The following SEMA3D variants were observed in gnomAD, a reference collection of about 807,000 sequenced individuals.
The protein encoded by SEMA3D is semaphorin 3D, also known as semaphorin-3D.
Under a neutral mutation model 100.1 loss-of-function variants are expected in SEMA3D, and 84 were observed. That is an observed-to-expected ratio of 0.84 (90% confidence interval 0.70 to 1.01). SEMA3D has a LOEUF of 1.01. Among genes scored for constraint, SEMA3D ranks in the 50% least tolerant of loss-of-function variants. The probability of loss-of-function intolerance (pLI) is 0.00; values close to 1 mark genes in which losing one functional copy is unlikely to be tolerated. For synonymous variants in SEMA3D, 312 were observed against 320.7 expected (o/e 0.97, Z 0.29); for missense variants, 875 against 934.1 (o/e 0.94, Z 0.82).
rs560926650 is a variant in SEMA3D, at chr7:85,132,717, T to C, written c.-40-10786A>G. On this transcript the variant is annotated intron_variant, in intron 2 of 18. Coordinates refer to ENST00000284136, the MANE Select transcript of SEMA3D (RefSeq NM_001384900.1). Reference sequence around the variant, plus strand: ...AACATAATAAAATGTAGAAATATCATCTTATAATTAATACAAGTTTTATAC... The same window carrying C: ...AACATAATAAAATGTAGAAATATCACCTTATAATTAATACAAGTTTTATAC... Among the ~76,000 whole-genome samples, 6 of 152,074 alleles carry C rather than the reference T, an allele frequency of 3.9e-5. No individual in the cohort carries two copies. In the East Asian group the frequency reaches 9.7e-4, roughly 24 times the overall value.
the SEMA3D span, among the ~76,000 whole-genome samples, chr7:85,249,305 CA>C: frequency 6.6e-6 from 1 of 152,000 alleles, no homozygotes; most frequent in African/African-American, 2.4e-5. Context: ...TAATCAAAAA[CA>C]AGGAAAGCCT....
intron 5 of SEMA3D, among the ~76,000 whole-genome samples, chr7:85,078,806 G>A (rs1399045573): frequency 6.6e-6 from 1 of 152,094 alleles, no homozygotes; most frequent in Non-Finnish European, 1.5e-5. Flanking sequence ...CCAAACAGTT[G>A]TTAATCCTAA....
chr7:85,076,228 T>C (rs558038290), intron 5 of SEMA3D, among the ~76,000 whole-genome samples: 1 of 152,098 alleles, frequency 6.6e-6, no homozygotes, highest in South Asian at 2.1e-4. Flanking sequence ...CCGTAGGCCC[T>C]ACCCTACCCC....
At chr7:85,144,558 C>T (rs1224998524) in intron 2 of SEMA3D, 1 of 984,942 alleles carries the variant, frequency 1.0e-6, no homozygotes, top group Admixed American at 6.2e-5. Context: ...ACACAATTCT[C>T]ACAACCATCA....
chr7:85,035,256 A>G (rs1164133071), intron 12 of SEMA3D, among the ~76,000 whole-genome samples: 2 of 151,352 alleles, frequency 1.3e-5, no homozygotes, highest in African/African-American at 4.8e-5. Context: ...CATCATACAT[A>G]TATTTATATA....
intron 15 of SEMA3D, among the ~76,000 whole-genome samples, chr7:85,015,662 T>A (rs964400557): frequency 6.6e-6 from 1 of 151,824 alleles, no homozygotes; most frequent in African/African-American, 2.4e-5. Flanking sequence ...ATTAACCATT[T>A]CATTTGTTAT....
the SEMA3D span, among the ~76,000 whole-genome samples, chr7:85,209,613 T>C: frequency 6.6e-6 from 1 of 152,082 alleles, no homozygotes; most frequent in Non-Finnish European, 1.5e-5. Flanking sequence ...ATCCTCTGAT[T>C]CCTCTGTTTG....
intron 6 of SEMA3D, among the ~76,000 whole-genome samples, chr7:85,070,368 T>A (rs1157280470): frequency 1.3e-5 from 2 of 152,222 alleles, no homozygotes; most frequent in Non-Finnish European, 2.9e-5. Flanking sequence ...AAGTCAGGAA[T>A]CTGGGATTCA....
chr7:85,191,928 C>T (rs1275941714), upstream of SEMA3D, among the ~76,000 whole-genome samples: 1 of 152,140 alleles, frequency 6.6e-6, no homozygotes, highest in Non-Finnish European at 1.5e-5. Context: ...TCAGTTTCCA[C>T]AAATGGGAGA....
At position 85,138,843 on chromosome 7, in the gene SEMA3D, G is replaced by C. The variant is rs1034675713; in HGVS notation, c.-41+14765C>G. ...TACCTGCTGACAGGCCCCGATGTGT[G>C]ATATTCCCCCCTGTCCATATGTTCT... is the stretch of plus-strand genomic sequence containing the variant. On this transcript the variant is annotated intron_variant, in intron 2 of 18. Transcript: ENST00000284136. Among the ~76,000 whole-genome samples, 15 of 150,958 alleles carry C rather than the reference G, an allele frequency of 9.9e-5. 1 individual carries two copies. Among genetic ancestry groups the C allele is most frequent in the African/African-American group, 3.7e-4 (15 of 41,018 alleles).
At chr7:85,091,542 C>T (rs1443311125) in intron 4 of SEMA3D, among the ~76,000 whole-genome samples, 2 of 151,354 alleles carry the variant, frequency 1.3e-5, no homozygotes, top group African/African-American at 4.9e-5. Context: ...GGAAGACTTT[C>T]AGCTTGTATA....
At chr7:85,026,187 T>C (rs773005025) in intron 12 of SEMA3D, among the ~76,000 whole-genome samples, 16 of 152,164 alleles carry the variant, frequency 1.1e-4, no homozygotes, top group Non-Finnish European at 2.2e-4. Flanking sequence ...ATCCAGAGTC[T>C]AGTCCTGCCT....
At chr7:85,108,372 A>G (rs796716063) in intron 3 of SEMA3D, among the ~76,000 whole-genome samples, 3 of 152,162 alleles carry the variant, frequency 2.0e-5, no homozygotes, top group African/African-American at 4.8e-5. Flanking sequence ...TTAATGTGCT[A>G]TTTAGAGACC....
At chr7:85,216,357 T>TTTTG in the SEMA3D span, among the ~76,000 whole-genome samples, 1 of 146,152 alleles carries the variant, frequency 6.8e-6, no homozygotes, top group Non-Finnish European at 1.5e-5. Flanking sequence ...AATAAGAGTG[T>TTTTG]TGTGTGTGTG....
At chr7:85,192,396 A>T in the SEMA3D span, among the ~76,000 whole-genome samples, 1 of 151,956 alleles carries the variant, frequency 6.6e-6, no homozygotes, top group Non-Finnish European at 1.5e-5. Context: ...AGACAATGAA[A>T]CTTAAAGTTA....
At chr7:85,077,359 C>T (rs1001348832) in intron 5 of SEMA3D, among the ~76,000 whole-genome samples, 4 of 151,622 alleles carry the variant, frequency 2.6e-5, no homozygotes, top group South Asian at 2.1e-4. Context: ...ATGTTTTTCA[C>T]GAGTGGAACA....
chr7:85,193,959 C>G, the SEMA3D span, among the ~76,000 whole-genome samples: 1 of 151,070 alleles, frequency 6.6e-6, no homozygotes, highest in Non-Finnish European at 1.5e-5. Flanking sequence ...AATTATCAGA[C>G]TAGGTACTTT....
chr7:85,025,839 G>A (rs546122066), intron 12 of SEMA3D, among the ~76,000 whole-genome samples: 23 of 152,110 alleles, frequency 1.5e-4, no homozygotes, highest in African/African-American at 4.1e-4. Context: ...CAAAGAGGCC[G>A]GGGCAAACAT....
At chr7:85,131,775 A>T (rs897569284) in intron 2 of SEMA3D, among the ~76,000 whole-genome samples, 4 of 151,926 alleles carry the variant, frequency 2.6e-5, no homozygotes, top group African/African-American at 9.6e-5. Context: ...ATTTAAAAAA[A>T]ATTTATGCAT....
Sources: gnomAD v4.1 joint callset for allele counts (sites outside exome capture counted in the v4.1 genomes callset) on GRCh38, gnomAD v4.1.1 for gene constraint, MANE v1.5 for transcripts, NCBI Gene and HGNC (gene_info 2026-07-23, HGNC 2026-07-21) for gene names.